TFR2: variants seen among roughly 807,000 people sequenced by gnomAD.
TFR2 encodes the protein transferrin receptor 2.
In TFR2, 64 loss-of-function variants were observed where a neutral mutation model predicts 91.9. The ratio of observed to expected loss-of-function variants is 0.70; its 90% confidence interval spans 0.57 to 0.86. TFR2 has a LOEUF of 0.86. TFR2 is among the 40% of genes least tolerant of loss of function. The pLI, the probability that TFR2 is intolerant of heterozygous loss-of-function variation, is 0.00. For synonymous variants in TFR2, 454 were observed against 459.6 expected (o/e 0.99, Z 0.15); for missense variants, 950 against 1,080.5 (o/e 0.88, Z 1.69).
At chr7:100,634,393 C>A (rs1475977638) in intron 3 of TFR2, among the ~76,000 whole-genome samples, 1 of 152,170 alleles carries the variant, frequency 6.6e-6, no homozygotes, top group Non-Finnish European at 1.5e-5. Flanking sequence ...GCAGCTGGGA[C>A]TACAGGTGTA....
At chr7:100,632,853 G>T in intron 6 of TFR2, 148 bp downstream of exon 6, 1 of 1,372,330 alleles carries the variant, frequency 7.3e-7, no homozygotes. Context: ...TTGCAGGTGA[G>T]AACCATCGTG....
intron 17 of TFR2, among the ~76,000 whole-genome samples, chr7:100,623,381 C>T (rs1803161863): frequency 6.6e-6 from 1 of 152,230 alleles, no homozygotes; most frequent in African/African-American, 2.4e-5. Context: ...CTGTCAATTT[C>T]TCCTTCTAAA....
rs1294156865 is a variant in TFR2, at chr7:100,641,459, C to T, written c.33+18G>A. 1.2e-6 allele frequency: 2 copies of T among 1,613,746 alleles called. No homozygotes were observed. The highest frequency in any genetic ancestry group is 1.7e-5 in the Admixed American group (1 of 59,966). On this transcript the variant is annotated intron_variant, in intron 1 of 17. Coordinates refer to ENST00000223051, the MANE Select transcript of TFR2 (RefSeq NM_003227.4). Reference sequence around the variant, plus strand: ...AGAGAGAAGGCCTAAGGGGTCTTCCCAATCCCACTAGTCTTACCGCTCTCT... The same window carrying T: ...AGAGAGAAGGCCTAAGGGGTCTTCCTAATCCCACTAGTCTTACCGCTCTCT...
At chr7:100,626,613 C>T in intron 17 of TFR2, 150 bp downstream of exon 17, 3 of 1,456,406 alleles carry the variant, frequency 2.1e-6, no homozygotes, top group Non-Finnish European at 2.7e-6. Context: ...ATGAGCACTG[C>T]GTGTCCAGGA....
At chr7:100,636,506 C>G (rs1803574217) in intron 3 of TFR2, among the ~76,000 whole-genome samples, 1 of 149,952 alleles carries the variant, frequency 6.7e-6, no homozygotes, top group African/African-American at 2.5e-5. Context: ...TACCCGCACT[C>G]CATCTCTGGA....
chr7:100,621,410 C>T (rs1039153119), intron 17 of TFR2, among the ~76,000 whole-genome samples: 2 of 152,116 alleles, frequency 1.3e-5, no homozygotes, highest in South Asian at 4.1e-4. Flanking sequence ...CCCGCCACGA[C>T]GCCCGGCTAA....
chr7:100,641,549 C>T lies in TFR2; in HGVS notation c.-40G>A, dbSNP rs775430976. The T allele has an allele frequency of 6.8e-6, 11 of 1,609,680 alleles. No individual in the cohort carries two copies. Among genetic ancestry groups the T allele is most frequent in the East Asian group, 4.5e-5 (2 of 44,636 alleles). ...CTGAAGCCTGCAGGCTGTCCCCCAG[C>T]GATAAACCGATAAACCGTTTGTGGG... On this transcript the variant is annotated 5_prime_UTR_variant, in exon 1 of 18. Coordinates refer to ENST00000223051, the MANE Select transcript of TFR2 (RefSeq NM_003227.4).
At chr7:100,626,943 C>T (rs1367948193) in intron 16 of TFR2, 40 bp from the exon 17 acceptor site, 1 of 1,522,646 alleles carries the variant, frequency 6.6e-7, no homozygotes, top group Non-Finnish European at 8.8e-7. Context: ...GCGGCAGGGG[C>T]CAGGACCCCC....
Position 100,627,316 on chromosome 7 carries a change from T to A in TFR2, c.1943A>T (p.Asp648Val). 6.5e-7 allele frequency: 1 copy of A among 1,549,982 alleles called. No homozygotes were observed. The highest frequency in any genetic ancestry group is 8.7e-7 in the Non-Finnish European group (1 of 1,146,906). Reference sequence around the variant, plus strand: ...GTTCCCGATGTGCCTGAGGACGACGTCCCCGTAGCGGCCGAAGTCGAGGGG... The same window carrying A: ...GTTCCCGATGTGCCTGAGGACGACGACCCCGTAGCGGCCGAAGTCGAGGGG... Reference protein sequence around the residue: ...LLPLDFGRYGDVVLRHIGNLN... With the variant: ...LLPLDFGRYGVVVLRHIGNLN... The change falls in exon 16 of 18, where the codon GAC becomes GTC. Residue 648 changes from aspartate to valine, a missense_variant. By Grantham distance (152) the Asp-to-Val change is radical. Transcript: ENST00000223051.
Position 100,626,393 on chromosome 7 carries a change from G to C in TFR2, c.2136+370C>G, listed in dbSNP as rs1803249798. ...TCTGCACTTCCCAGCCTGTAACCTC[G>C]TATTGTGGACCAGTGTGGACATGCT... is the stretch of plus-strand genomic sequence containing the variant. On this transcript the variant is annotated intron_variant, in intron 17 of 17. Coordinates refer to ENST00000223051, the MANE Select transcript of TFR2 (RefSeq NM_003227.4). 6 of 921,782 alleles carry C rather than the reference G, an allele frequency of 6.5e-6. No individual in the cohort carries two copies. The South Asian group carries it at 3.0e-4, about 46-fold the overall frequency. 57.1% of individuals were successfully genotyped at this position (921,782 alleles called of 1,614,324 possible).
In TFR2 at chr7:100,631,799, C is replaced by G. The variant is rs1207873255; in HGVS notation, c.1106+7G>C. ...CCTCCTCTTCTGGTCCCCAACACTCCCCTCACCTCAGCAGGCGGGAGGCAA... is the reference window on the plus strand; with the variant it reads ...CCTCCTCTTCTGGTCCCCAACACTCGCCTCACCTCAGCAGGCGGGAGGCAA... On this transcript the variant is annotated splice_region_variant and intron_variant, in intron 8 of 17. Coordinates refer to ENST00000223051, the MANE Select transcript of TFR2 (RefSeq NM_003227.4). 6.2e-7 allele frequency: 1 copy of G among 1,611,668 alleles called. No individual in the cohort carries two copies. Among genetic ancestry groups the G allele is most frequent in the East Asian group, 2.2e-5 (1 of 44,778 alleles).
intron 10 of TFR2, 127 bp from the exon 11 acceptor site, chr7:100,628,433 T>C: frequency 1.1e-6 from 1 of 931,980 alleles, no homozygotes; most frequent in East Asian, 2.6e-5. Context: ...AGGATCTCAC[T>C]CTCTCGCCCA....
At chr7:100,637,174 T>A (rs1318678883) in intron 3 of TFR2, among the ~76,000 whole-genome samples, 2 of 151,860 alleles carry the variant, frequency 1.3e-5, no homozygotes, top group Non-Finnish European at 2.9e-5. Flanking sequence ...CCGAGGTGGG[T>A]GGATCTCCTG....
At chr7:100,632,055 C>G in intron 7 of TFR2, 27 bp downstream of exon 7, 1 of 1,614,030 alleles carries the variant, frequency 6.2e-7, no homozygotes, top group Non-Finnish European at 8.5e-7. Flanking sequence ...GACCTGGGAA[C>G]AGCACGACCA....
chr7:100,635,908 T>C (rs1467261520), intron 3 of TFR2, among the ~76,000 whole-genome samples: 1 of 152,090 alleles, frequency 6.6e-6, no homozygotes, highest in East Asian at 1.9e-4. Context: ...TCACATCCTT[T>C]GCTTTTCTTT....
intron 9 of TFR2, among the ~76,000 whole-genome samples, chr7:100,630,620 A>G (rs1803406117): frequency 6.6e-6 from 1 of 152,140 alleles, no homozygotes; most frequent in Non-Finnish European, 1.5e-5. Flanking sequence ...AACATCATCC[A>G]ACTTAGGCTT....
chr7:100,640,905 G>A (rs943848150), intron 2 of TFR2, 33 bp from the exon 3 acceptor site: 1 of 1,613,742 alleles, frequency 6.2e-7, no homozygotes, highest in Non-Finnish European at 8.5e-7. Context: ...TTCTCTTTAT[G>A]CCCACCTCTG....
At chr7:100,630,758 T>G (rs1803408501) in intron 9 of TFR2, 131 bp downstream of exon 9, 1 of 1,320,128 alleles carries the variant, frequency 7.6e-7, no homozygotes, top group Non-Finnish European at 1.1e-6. Context: ...CTTGCCAGCT[T>G]CCCTCCTCTG....
Position 100,631,866 on chromosome 7 carries a change from G to A in TFR2, c.1046C>T (p.Ser349Leu). The A allele has an allele frequency of 6.2e-7, 1 of 1,613,998 alleles. No homozygotes were observed. Among genetic ancestry groups the A allele is most frequent in the Non-Finnish European group, 8.5e-7 (1 of 1,180,004 alleles). The change falls in exon 8 of 18, where the codon TCA becomes TTA. Residue 349 changes from serine to leucine, a missense_variant. By Grantham distance (145) the Ser-to-Leu change is moderately radical. Transcript: ENST00000223051. ...CTGGGCTGGGATGCTGGGAAGGCCT[G>A]ATGATGCAACTGGAGGGAACTGGGT... ...NQTQFPPVAS[S>L]GLPSIPAQPI...
Sources: gnomAD v4.1 joint callset for allele counts (sites outside exome capture counted in the v4.1 genomes callset) on GRCh38, gnomAD v4.1.1 for gene constraint, MANE v1.5 for transcripts, NCBI Gene and HGNC (gene_info 2026-07-23, HGNC 2026-07-21) for gene names.